The following PPP1R9A variants were observed in gnomAD, a reference collection of about 807,000 sequenced individuals.
PPP1R9A encodes neurabin-1.
A neutral mutation model predicts 141.9 loss-of-function variants in PPP1R9A; 59 were observed. That is an observed-to-expected ratio of 0.42 (90% CI 0.34 to 0.52). The LOEUF (loss-of-function observed/expected upper bound fraction) is 0.52. Among genes scored for constraint, PPP1R9A ranks in the 20% least tolerant of loss-of-function variants. The pLI, the probability that PPP1R9A is intolerant of heterozygous loss-of-function variation, is 0.10. For synonymous variants in PPP1R9A, 500 were observed against 569.7 expected (o/e 0.88, Z 1.74); for missense variants, 1,444 against 1,611.9 (o/e 0.90, Z 1.78).
At chr7:94,922,609 A>C (rs1241522663) in intron 2 of PPP1R9A, among the ~76,000 whole-genome samples, 1 of 152,208 alleles carries the variant, frequency 6.6e-6, no homozygotes, top group African/African-American at 2.4e-5. Flanking sequence ...TTACTTAAAG[A>C]TGTAAATACT....
intron 4 of PPP1R9A, among the ~76,000 whole-genome samples, chr7:95,143,481 C>T (rs1563304106): frequency 6.6e-6 from 1 of 152,052 alleles, no homozygotes; most frequent in Non-Finnish European, 1.5e-5. Context: ...TAAACACGTA[C>T]CCCCAGGTAA....
intron 5 of PPP1R9A, among the ~76,000 whole-genome samples, chr7:95,198,116 A>G (rs754128969): frequency 6.6e-6 from 1 of 152,184 alleles, no homozygotes; most frequent in South Asian, 2.1e-4. Context: ...GATAATTTTT[A>G]TGGTCCTTTA....
Position 95,291,815 on chromosome 7 carries a change from A to G in PPP1R9A, c.*1512A>G, listed in dbSNP as rs1474589596. Reference sequence around the variant, plus strand: ...CTCTGCTCTGTTCCCAGCATCTCGTATCTTCCACTAGAAGTATTCCATATT... The same window carrying G: ...CTCTGCTCTGTTCCCAGCATCTCGTGTCTTCCACTAGAAGTATTCCATATT... On this transcript the variant is annotated 3_prime_UTR_variant, in exon 20 of 20. Transcript: ENST00000433360. 1 of 152,184 alleles carries G rather than the reference A, an allele frequency of 6.6e-6. No homozygotes were observed. Among genetic ancestry groups the G allele is most frequent in the Non-Finnish European group, 1.5e-5 (1 of 68,026 alleles). 9.4% of individuals were successfully genotyped at this position (152,184 alleles called of 1,614,324 possible).
chr7:95,253,479 T>A (rs1799164634), intron 12 of PPP1R9A, among the ~76,000 whole-genome samples: 2 of 152,230 alleles, frequency 1.3e-5, no homozygotes, highest in African/African-American at 4.8e-5. Context: ...TTTATATCCT[T>A]CTAATGGGTT....
At chr7:94,940,560 G>T (rs1795232103) in intron 2 of PPP1R9A, among the ~76,000 whole-genome samples, 1 of 151,830 alleles carries the variant, frequency 6.6e-6, no homozygotes, top group Non-Finnish European at 1.5e-5. Flanking sequence ...TATAATAAAA[G>T]AAAAGGAAAA....
chr7:95,211,146 A>T (rs1432966095), intron 7 of PPP1R9A, among the ~76,000 whole-genome samples: 5 of 150,684 alleles, frequency 3.3e-5, no homozygotes, highest in Non-Finnish European at 4.4e-5. Flanking sequence ...TAAAGTATAA[A>T]AAAAAAAAAA....
chr7:95,286,974 T>A, intron 18 of PPP1R9A: 1 of 913,718 alleles, frequency 1.1e-6, no homozygotes. Context: ...ACTTTTTTTT[T>A]TCTTGTAAGC....
chr7:94,923,107 A>G (rs935573782), intron 2 of PPP1R9A, among the ~76,000 whole-genome samples: 10 of 152,142 alleles, frequency 6.6e-5, no homozygotes, highest in Non-Finnish European at 1.5e-4. Flanking sequence ...ACCTTGGTAA[A>G]ATTGATCCCA....
At chr7:95,095,873 G>GT (rs986094930) in intron 2 of PPP1R9A, among the ~76,000 whole-genome samples, 384 of 151,310 alleles carry the variant, frequency 2.5e-3, no homozygotes, top group African/African-American at 8.5e-3. Context: ...TGTTTTGAAG[G>GT]TTTTTTTTTC....
At chr7:94,995,496 A>G (rs1584179443) in intron 2 of PPP1R9A, among the ~76,000 whole-genome samples, 1 of 151,834 alleles carries the variant, frequency 6.6e-6, no homozygotes, top group Admixed American at 6.6e-5. Context: ...TTTTTTTATT[A>G]TAAATTTTTT....
At chr7:94,928,578 G>A (rs567924462) in intron 2 of PPP1R9A, among the ~76,000 whole-genome samples, 1 of 152,184 alleles carries the variant, frequency 6.6e-6, no homozygotes, top group African/African-American at 2.4e-5. Flanking sequence ...CTCACAGACT[G>A]TTCTTATGCC....
At chr7:95,163,579 G>A (rs917793296) in intron 5 of PPP1R9A, among the ~76,000 whole-genome samples, 15 of 152,118 alleles carry the variant, frequency 9.9e-5, no homozygotes, top group African/African-American at 1.2e-4. Context: ...GTGAAAATTC[G>A]AAATCTGAAA....
intron 2 of PPP1R9A, among the ~76,000 whole-genome samples, chr7:95,022,341 C>T (rs1183788282): frequency 3.3e-5 from 5 of 152,056 alleles, no homozygotes; most frequent in African/African-American, 1.2e-4. Context: ...AGACTTTGCT[C>T]AAGTTGCTTA....
In PPP1R9A at chr7:94,929,744, TAGAA is replaced by T. The variant is rs1793931931; in HGVS notation, c.1395+18239_1395+18242del. Reference sequence around the variant, plus strand: ...CACTCTAATAGAGAGTGGAGATAGATAGAAAGGCTAGGTGTGGGGTGGGAATGCA... The same window carrying T: ...CACTCTAATAGAGAGTGGAGATAGATAGGCTAGGTGTGGGGTGGGAATGCA... On this transcript the variant is annotated intron_variant, in intron 2 of 19. Transcript: ENST00000433360. Among the ~76,000 whole-genome samples, 8 of 152,032 alleles carry T rather than the reference TAGAA, an allele frequency of 5.3e-5. No homozygotes were observed. The South Asian group carries it at 1.7e-3, about 32-fold the overall frequency.
chr7:95,266,206 T>C (rs2153041205), intron 12 of PPP1R9A, among the ~76,000 whole-genome samples: 1 of 152,222 alleles, frequency 6.6e-6, no homozygotes, highest in East Asian at 1.9e-4. Flanking sequence ...TTTACAAAAG[T>C]GGAGTGAGAT....
intron 2 of PPP1R9A, among the ~76,000 whole-genome samples, chr7:94,937,162 T>C (rs191113953): frequency 1.3e-5 from 2 of 152,262 alleles, no homozygotes; most frequent in Admixed American, 1.3e-4. Flanking sequence ...ATATATTTTG[T>C]GTACATGTCT....
Position 95,040,612 on chromosome 7 carries a change from C to T in PPP1R9A, c.1396-70647C>T, listed in dbSNP as rs1311580397. 9.9e-5 allele frequency among the ~76,000 whole-genome samples: 15 copies of T among 152,108 alleles called. 1 individual carries two copies. The highest frequency in any genetic ancestry group is 9.8e-4 in the Admixed American group (15 of 15,254). On this transcript the variant is annotated intron_variant, in intron 2 of 19. Coordinates refer to ENST00000433360, the MANE Select transcript of PPP1R9A (RefSeq NM_001166160.2). Reference sequence around the variant, plus strand: ...GTTTCTTGAAATTTGTATCTTCTCCCTTACTCAGGTTATTTTGCTTTCTGT... The same window carrying T: ...GTTTCTTGAAATTTGTATCTTCTCCTTTACTCAGGTTATTTTGCTTTCTGT...
chr7:95,036,924 T>C (rs1808501292), intron 2 of PPP1R9A: 1 of 152,212 alleles, frequency 6.6e-6, no homozygotes, highest in South Asian at 2.1e-4. Flanking sequence ...CCATTCATGC[T>C]TAAGTTTCCA....
Position 95,201,757 on chromosome 7 carries a change from GT to G in PPP1R9A, c.1891-1901del, listed in dbSNP as rs527365632. Among the ~76,000 whole-genome samples, 651 of 152,146 alleles carry G rather than the reference GT, an allele frequency of 4.3e-3. 4 individuals are homozygous for G. Among genetic ancestry groups the G allele is most frequent in the African/African-American group, 0.014 (587 of 41,530 alleles). ...TATATCTTTGTTAATCAGTCACTTGGTTTTTTTACTTTTATGATTTATAGAA... is the reference window on the plus strand; with the variant it reads ...TATATCTTTGTTAATCAGTCACTTGGTTTTTTACTTTTATGATTTATAGAA... On this transcript the variant is annotated intron_variant, in intron 6 of 19. Transcript: ENST00000433360.
Sources: allele counts gnomAD v4.1 joint callset (sites outside exome capture counted in the v4.1 genomes callset), GRCh38; gene constraint gnomAD v4.1.1; transcripts MANE v1.5; gene names NCBI Gene and HGNC (gene_info 2026-07-23, HGNC 2026-07-21).